PLEKHG1: variants seen among roughly 807,000 people sequenced by gnomAD.
The protein encoded by PLEKHG1 is pleckstrin homology and RhoGEF domain containing G1, also known as pleckstrin homology domain-containing family G member 1.
A neutral mutation model predicts 100.8 loss-of-function variants in PLEKHG1; 44 were observed. The ratio of observed to expected loss-of-function variants is 0.44; its 90% CI spans 0.34 to 0.56. The LOEUF (loss-of-function observed/expected upper bound fraction) is 0.56, where lower values mean the gene tolerates loss of function less well. Ranked by LOEUF, PLEKHG1 falls within the 20% of genes least tolerant of loss-of-function variation. The pLI, the probability that PLEKHG1 is intolerant of heterozygous loss-of-function variation, is 0.01. For missense variants in PLEKHG1, 1,545 were observed against 1,720.9 expected, an observed-to-expected ratio of 0.90 and a Z score of 1.81; for synonymous variants, 640 against 662.5, an observed-to-expected ratio of 0.97 and a Z score of 0.52.
intron 1 of PLEKHG1, among the ~76,000 whole-genome samples, chr6:150,635,619 G>T (rs1404917987): frequency 2.0e-5 from 3 of 152,180 alleles, no homozygotes; most frequent in African/African-American, 4.8e-5. Flanking sequence ...ATTATCACAT[G>T]CATTTCCAGT....
exon 15 of PLEKHG1, chr6:150,830,802 C>A (rs749374544): frequency 1.2e-6 from 2 of 1,613,944 alleles, no homozygotes; most frequent in African/African-American, 2.7e-5. Context: ...ATGTTCGTGC[C>A]GTCATTTTCC....
At chr6:150,761,609 C>T (rs558212642) in intron 2 of PLEKHG1, among the ~76,000 whole-genome samples, 2 of 152,180 alleles carry the variant, frequency 1.3e-5, no homozygotes, top group East Asian at 1.9e-4. Flanking sequence ...CAATTGATTT[C>T]GGTAATGATT....
At chr6:150,627,304 C>T (rs984009985) in intron 1 of PLEKHG1, among the ~76,000 whole-genome samples, 1 of 152,176 alleles carries the variant, frequency 6.6e-6, no homozygotes, top group Admixed American at 6.5e-5. Context: ...TTAAAATATA[C>T]TTATGAGTGA....
intron 2 of PLEKHG1, among the ~76,000 whole-genome samples, chr6:150,761,579 C>T (rs962421855): frequency 1.3e-5 from 2 of 152,096 alleles, no homozygotes; most frequent in African/African-American, 4.8e-5. Context: ...CAGGGGTGAG[C>T]CACCACACCT....
At chr6:150,828,698 G>A (rs1034399836) in intron 14 of PLEKHG1, among the ~76,000 whole-genome samples, 5 of 151,520 alleles carry the variant, frequency 3.3e-5, no homozygotes, top group Non-Finnish European at 7.4e-5. Context: ...TGGGATGGAC[G>A]ATCTTAGGAA....
intron 5 of PLEKHG1, among the ~76,000 whole-genome samples, chr6:150,799,403 C>G (rs1487708407): frequency 6.6e-6 from 1 of 152,140 alleles, no homozygotes; most frequent in East Asian, 1.9e-4. Context: ...CTGTGAAGAG[C>G]CACAAGCTCC....
At chr6:150,633,855 A>G (rs2128563122) in intron 1 of PLEKHG1, among the ~76,000 whole-genome samples, 1 of 152,234 alleles carries the variant, frequency 6.6e-6, no homozygotes, top group Admixed American at 6.5e-5. Flanking sequence ...GGGAGGCAGC[A>G]GTGAATGGCC....
chr6:150,734,051 A>G, exon 2 of PLEKHG1: 1 of 1,614,044 alleles, frequency 6.2e-7, no homozygotes, highest in Non-Finnish European at 8.5e-7. Context: ...AATTCTGGAA[A>G]CCGAAAGGAC....
chr6:150,646,862 C>A (rs982656308), intron 2 of PLEKHG1, among the ~76,000 whole-genome samples: 50 of 152,272 alleles, frequency 3.3e-4, no homozygotes, highest in African/African-American at 1.1e-3. Context: ...GGACTTAAAT[C>A]ATATTTTCTG....
intron 11 of PLEKHG1, 147 bp downstream of exon 12, chr6:150,818,363 A>G: frequency 3.0e-6 from 2 of 667,964 alleles, no homozygotes; most frequent in Non-Finnish European, 2.6e-6. Context: ...AGACAGTATA[A>G]TCCCTTCTAA....
chr6:150,763,561 T>A (rs981744600), intron 2 of PLEKHG1, among the ~76,000 whole-genome samples: 2 of 152,200 alleles, frequency 1.3e-5, no homozygotes, highest in Non-Finnish European at 2.9e-5. Context: ...TCATCTTGGC[T>A]TGAAGAAGTC....
intron 4 of PLEKHG1, among the ~76,000 whole-genome samples, chr6:150,787,069 A>G (rs1024836627): frequency 3.9e-5 from 6 of 152,026 alleles, no homozygotes; most frequent in African/African-American, 1.4e-4. Flanking sequence ...AATGTTAGAA[A>G]AATATAAAAT....
At chr6:150,781,674 C>T (rs1359471856) in intron 3 of PLEKHG1, among the ~76,000 whole-genome samples, 2 of 151,694 alleles carry the variant, frequency 1.3e-5, no homozygotes, top group East Asian at 1.9e-4. Flanking sequence ...ATATAAATAT[C>T]AGAACTATAT....
intron 3 of PLEKHG1, among the ~76,000 whole-genome samples, chr6:150,778,477 A>C (rs1275126363): frequency 6.6e-6 from 1 of 151,964 alleles, no homozygotes; most frequent in Non-Finnish European, 1.5e-5. Context: ...CCTGCACTCA[A>C]ATATCACCTC....
exon 16 of PLEKHG1, chr6:150,839,966 C>T (rs1388030967): frequency 6.2e-6 from 10 of 1,613,962 alleles, no homozygotes; most frequent in African/African-American, 2.7e-5. Flanking sequence ...CTTCCCAGGT[C>T]CACCATGGTA....
chr6:150,683,096 G>T lies in PLEKHG1; in HGVS notation c.-99+32310G>T, dbSNP rs1451717864. 1.3e-5 allele frequency among the ~76,000 whole-genome samples: 2 copies of T among 152,230 alleles called. No homozygotes were observed. Among genetic ancestry groups the T allele is most frequent in the African/African-American group, 4.8e-5 (2 of 41,458 alleles). On this transcript the variant is annotated intron_variant, in intron 3 of 3. Coordinates refer to the PLEKHG1 transcript ENST00000367326. This position sits in a 1 kb window ranked among gnomAD's most constrained non-coding sequence, Gnocchi z 4.0. ...ACACACGTTTCTTCAATTGGCATGT[G>T]TTCTTTGTGCTCAGAACCACATTAG...
chr6:150,617,626 T>G (rs1777127362), intron 1 of PLEKHG1, among the ~76,000 whole-genome samples: 1 of 152,208 alleles, frequency 6.6e-6, no homozygotes, highest in African/African-American at 2.4e-5. Context: ...TTGAAGGTGT[T>G]TATCTCTTTC....
At chr6:150,648,951 G>A (rs1778604965) in intron 2 of PLEKHG1, among the ~76,000 whole-genome samples, 1 of 151,826 alleles carries the variant, frequency 6.6e-6, no homozygotes, top group Non-Finnish European at 1.5e-5. Flanking sequence ...GTTTTTGGTT[G>A]GATGTTAAGA....
chr6:150,830,918 C>T, exon 15 of PLEKHG1: 1 of 1,614,076 alleles, frequency 6.2e-7, no homozygotes, highest in Non-Finnish European at 8.5e-7. Flanking sequence ...CAGCTCTGGT[C>T]ACAGGATTGT....
Sources: gnomAD v4.1 joint callset for allele counts (sites outside exome capture counted in the v4.1 genomes callset) on GRCh38, gnomAD v4.1.1 for gene constraint, Gnocchi (gnomAD v3.1) non-coding constraint, MANE v1.5 for transcripts, NCBI Gene and HGNC (gene_info 2026-07-23, HGNC 2026-07-21) for gene names.